The following XYLT1 variants were observed in gnomAD, a reference collection of about 807,000 sequenced individuals.
The protein encoded by XYLT1 is beta-D-xylosyltransferase 1.
A neutral mutation model predicts 91.3 loss-of-function variants in XYLT1; 36 were observed. The ratio of observed to expected loss-of-function variants is 0.39; its 90% CI spans 0.30 to 0.52. The LOEUF (loss-of-function observed/expected upper bound fraction) is 0.52. Among genes scored for constraint, XYLT1 ranks in the 20% least tolerant of loss-of-function variants. The pLI is 0.68. For missense variants in XYLT1, 1,242 were observed against 1,284.5 expected (o/e 0.97, Z 0.51); for synonymous variants, 588 against 532.0 (o/e 1.11, Z -1.45).
At position 17,102,418 on chromosome 16, in the gene XYLT1, A is replaced by G. The variant is rs562681265; in HGVS notation, c.*6277T>C. 1.8e-4 allele frequency: 28 copies of G among 152,754 alleles called. No homozygotes were observed. In the East Asian group the frequency reaches 5.4e-3, roughly 29 times the overall value. The allele number at this position is 152,754 out of a possible 1,614,324, so 9.5% of individuals were successfully genotyped here. A position where few individuals can be genotyped will look rare whatever the true frequency, so the allele number is the denominator to read the frequency against. ...TATATACACCTGCAGTGTTTTTGGT[A>G]TGATACAGTATTTAATACATCCACT... On this transcript the variant is annotated 3_prime_UTR_variant, in exon 12 of 12. Transcript: ENST00000261381.
At chr16:17,428,017 G>A (rs1053050595) in intron 1 of XYLT1, among the ~76,000 whole-genome samples, 4 of 151,962 alleles carry the variant, frequency 2.6e-5, no homozygotes, top group Admixed American at 6.6e-5. Context: ...TTGAGACAGC[G>A]TCTCACTCTG....
intron 2 of XYLT1, among the ~76,000 whole-genome samples, chr16:17,309,431 G>A (rs1230430384): frequency 6.6e-6 from 1 of 152,114 alleles, no homozygotes; most frequent in African/African-American, 2.4e-5. Flanking sequence ...AGGGGAGAGG[G>A]ATCAACGCTG....
intron 2 of XYLT1, among the ~76,000 whole-genome samples, chr16:17,281,054 C>T (rs868356159): frequency 3.3e-5 from 5 of 152,138 alleles, no homozygotes; most frequent in Non-Finnish European, 4.4e-5. Flanking sequence ...CCCCAGACAG[C>T]GAGGGGTAAG....
intron 1 of XYLT1, among the ~76,000 whole-genome samples, chr16:17,407,164 C>G (rs1039611170): frequency 4.2e-4 from 64 of 151,974 alleles, no homozygotes; most frequent in Non-Finnish European, 7.4e-5. Flanking sequence ...ACCACCCCAG[C>G]TAGTTTTTAT....
intron 2 of XYLT1, among the ~76,000 whole-genome samples, chr16:17,334,712 T>C (rs1166515288): frequency 2.6e-5 from 4 of 152,028 alleles, no homozygotes; most frequent in African/African-American, 9.7e-5. Context: ...TGAAATCCCG[T>C]CTCTACTAAA....
chr16:17,143,787 T>G (rs111617482), intron 6 of XYLT1, among the ~76,000 whole-genome samples: 10,133 of 73,232 alleles, frequency 0.14, 1,004 homozygotes, highest in East Asian at 0.53. Context: ...ATCGTCATCA[T>G]CACCATCATC....
chr16:17,300,452 C>CTTTCTTT (rs1327084226), intron 2 of XYLT1, among the ~76,000 whole-genome samples: 6 of 64,842 alleles, frequency 9.3e-5, no homozygotes, highest in Non-Finnish European at 1.3e-4. Context: ...TTCATTCTTT[C>CTTTCTTT]TTTTTTTTTT....
At chr16:17,126,254 C>T (rs2030256841) in intron 10 of XYLT1, among the ~76,000 whole-genome samples, 1 of 152,192 alleles carries the variant, frequency 6.6e-6, no homozygotes, top group Non-Finnish European at 1.5e-5. Flanking sequence ...TTTGTCACTG[C>T]CAGAAGTACC....
chr16:17,444,139 T>C (rs2036564577), intron 1 of XYLT1, among the ~76,000 whole-genome samples: 1 of 152,188 alleles, frequency 6.6e-6, no homozygotes, highest in Admixed American at 6.5e-5. Flanking sequence ...TCTTCATGTT[T>C]AGGTGTAAGT....
intron 6 of XYLT1, among the ~76,000 whole-genome samples, chr16:17,150,562 C>T (rs1361065589): frequency 1.3e-5 from 2 of 152,168 alleles, no homozygotes; most frequent in Admixed American, 6.5e-5. Context: ...TTAGAATTCA[C>T]TGCAACCCCA....
At chr16:17,138,184 A>ACATCCCTGAAGTGC (rs2030824527) in intron 8 of XYLT1, 171 bp downstream of exon 8, 4 of 714,834 alleles carry the variant, frequency 5.6e-6, no homozygotes, top group Non-Finnish European at 9.0e-6. Context: ...CCCTGAAGTA[A>ACATCCCTGAAGTGC]GTGCTCAATA....
chr16:17,303,231 C>T (rs2034423771), intron 2 of XYLT1, among the ~76,000 whole-genome samples: 1 of 152,224 alleles, frequency 6.6e-6, no homozygotes, highest in Non-Finnish European at 1.5e-5. Flanking sequence ...CAAACTACAG[C>T]TTTAAGACCA....
At chr16:17,460,300 C>A (rs113995356) in intron 1 of XYLT1, among the ~76,000 whole-genome samples, 1,542 of 152,276 alleles carry the variant, frequency 0.01, 30 homozygotes, top group African/African-American at 0.033. Flanking sequence ...CACTCACACT[C>A]CCTGCAGAGG....
chr16:17,110,111 G>T (rs1215116527), intron 11 of XYLT1, among the ~76,000 whole-genome samples: 1 of 152,168 alleles, frequency 6.6e-6, no homozygotes, highest in African/African-American at 2.4e-5. Flanking sequence ...CCAGGTGTGT[G>T]ACTTCTGACC....
At chr16:17,402,743 CTTTT>C (rs368996011) in intron 1 of XYLT1, among the ~76,000 whole-genome samples, 11 of 136,322 alleles carry the variant, frequency 8.1e-5, no homozygotes, top group African/African-American at 3.0e-4. Flanking sequence ...TTTTTCTTTT[CTTTT>C]TTTTTTTTTT....
chr16:17,198,189 C>T, intron 5 of XYLT1, 23 bp downstream of exon 5: 2 of 1,613,578 alleles, frequency 1.2e-6, no homozygotes, highest in Non-Finnish European at 8.5e-7. Context: ...ACAAGACTGG[C>T]TTGGGGCCCT....
intron 2 of XYLT1, among the ~76,000 whole-genome samples, chr16:17,296,469 C>T (rs373210791): frequency 1.3e-4 from 20 of 152,274 alleles, no homozygotes; most frequent in East Asian, 1.2e-3. Flanking sequence ...ACCCGATTCC[C>T]TGTTCCTGCC....
chr16:17,459,450 C>T (rs1191188345), intron 1 of XYLT1, among the ~76,000 whole-genome samples: 2 of 152,116 alleles, frequency 1.3e-5, no homozygotes, highest in East Asian at 3.8e-4. Context: ...AGAGTTTTTA[C>T]AGAATATCTG....
chr16:17,397,911 C>T (rs2035910547), intron 1 of XYLT1, among the ~76,000 whole-genome samples: 1 of 150,436 alleles, frequency 6.6e-6, no homozygotes, highest in Non-Finnish European at 1.5e-5. Flanking sequence ...CAACCTCTGC[C>T]TCCCGGGTTC....
Sources: allele counts gnomAD v4.1 joint callset (sites outside exome capture counted in the v4.1 genomes callset), GRCh38; gene constraint gnomAD v4.1.1; transcripts MANE v1.5; gene names NCBI Gene and HGNC (gene_info 2026-07-23, HGNC 2026-07-21).